The following ADAMTS12 variants were observed in gnomAD, a reference collection of about 807,000 sequenced individuals.
ADAMTS12 encodes the protein A disintegrin and metalloproteinase with thrombospondin motifs 12.
In ADAMTS12, 118 loss-of-function variants were observed where a neutral mutation model predicts 167.8. The ratio of observed to expected loss-of-function variants is 0.70; its 90% CI spans 0.61 to 0.82. The LOEUF (loss-of-function observed/expected upper bound fraction) is 0.82, where lower values mean the gene tolerates loss of function less well. ADAMTS12 is among the 40% of genes least tolerant of loss of function. The probability of loss-of-function intolerance (pLI) is 0.00; values close to 1 mark genes in which losing one functional copy is unlikely to be tolerated. For missense variants in ADAMTS12, 1,916 were observed against 1,998.8 expected (o/e 0.96, Z 0.79); for synonymous variants, 704 against 716.9 (o/e 0.98, Z 0.29).
chr5:33,577,523 G>C (rs1365493459), intron 18 of ADAMTS12, among the ~76,000 whole-genome samples: 1 of 152,050 alleles, frequency 6.6e-6, no homozygotes, highest in East Asian at 1.9e-4. Context: ...CTCTTTTCTG[G>C]GATTGTGATT....
intron 2 of ADAMTS12, among the ~76,000 whole-genome samples, chr5:33,839,143 G>C (rs1292889643): frequency 1.3e-5 from 2 of 152,156 alleles, no homozygotes. Context: ...CAGGAGCTGA[G>C]GGTAGGCTCC....
At chr5:33,639,566 C>T (rs1022249079) in intron 11 of ADAMTS12, among the ~76,000 whole-genome samples, 1 of 152,150 alleles carries the variant, frequency 6.6e-6, no homozygotes, top group Non-Finnish European at 1.5e-5. Context: ...GCGAGCAGTC[C>T]AGATGAAATC....
rs1740800085 is a variant in ADAMTS12, at chr5:33,649,586, C to T, written c.1302G>A (p.Lys434=). ...QYDPTPLTWS[K]CSEEYITRFL... is the part of the protein sequence containing the mutation. Reference sequence around the variant, plus strand: ...AGCGGGTGATGTACTCCTCGCTGCACTTGGACCATGTCAGCGGAGTGGGAT... The same window carrying T: ...AGCGGGTGATGTACTCCTCGCTGCATTTGGACCATGTCAGCGGAGTGGGAT... Residue 434 remains lysine, a synonymous_variant, in exon 8 of 24, where the codon AAG becomes AAA. Transcript: ENST00000504830. 1.2e-6 allele frequency: 2 copies of T among 1,613,992 alleles called. No homozygotes were observed. The highest frequency in any genetic ancestry group is 2.2e-5 in the East Asian group (1 of 44,848).
At chr5:33,539,567 T>A (rs1251803689) in intron 22 of ADAMTS12, among the ~76,000 whole-genome samples, 1 of 152,182 alleles carries the variant, frequency 6.6e-6, no homozygotes, top group Non-Finnish European at 1.5e-5. Context: ...CTTTTGAAAG[T>A]ATTTAATATT....
chr5:33,561,398 G>A (rs912820986), intron 19 of ADAMTS12, among the ~76,000 whole-genome samples: 25 of 152,188 alleles, frequency 1.6e-4, no homozygotes, highest in African/African-American at 5.8e-4. Context: ...TAATTCCCCA[G>A]CTTATTTTAA....
intron 5 of ADAMTS12, among the ~76,000 whole-genome samples, chr5:33,676,689 C>A (rs1308193134): frequency 6.7e-6 from 1 of 149,432 alleles, no homozygotes; most frequent in African/African-American, 2.5e-5. Context: ...ATCTTACACA[C>A]ACACACACAC....
At chr5:33,890,067 A>C (rs1750788734) in intron 1 of ADAMTS12, among the ~76,000 whole-genome samples, 1 of 152,164 alleles carries the variant, frequency 6.6e-6, no homozygotes, top group African/African-American at 2.4e-5. Flanking sequence ...ATAGCTCTAG[A>C]TAGAGGTGAC....
intron 19 of ADAMTS12, among the ~76,000 whole-genome samples, chr5:33,567,818 T>C (rs550801768): frequency 1.3e-5 from 2 of 152,182 alleles, no homozygotes; most frequent in Admixed American, 6.5e-5. Flanking sequence ...TATTTTCATA[T>C]GTAATATGAC....
At chr5:33,586,303 G>C (rs1747348341) in intron 18 of ADAMTS12, among the ~76,000 whole-genome samples, 1 of 152,220 alleles carries the variant, frequency 6.6e-6, no homozygotes, top group Non-Finnish European at 1.5e-5. Flanking sequence ...TAGTAAGAGA[G>C]CAGATAGAAG....
At chr5:33,575,357 T>C (rs1463069808) in intron 19 of ADAMTS12, among the ~76,000 whole-genome samples, 1 of 152,180 alleles carries the variant, frequency 6.6e-6, no homozygotes, top group East Asian at 1.9e-4. Context: ...TCCTTCATCA[T>C]AGGATCATTG....
intron 21 of ADAMTS12, among the ~76,000 whole-genome samples, chr5:33,548,086 G>A (rs531568186): frequency 6.6e-6 from 1 of 152,308 alleles, no homozygotes; most frequent in African/African-American, 2.4e-5. Context: ...GTAACTCGGG[G>A]CTCAGTCCTC....
chr5:33,549,065 C>G (rs1044380271), intron 21 of ADAMTS12, 142 bp downstream of exon 21: 5 of 1,040,438 alleles, frequency 4.8e-6, no homozygotes, highest in Admixed American at 5.7e-5. Flanking sequence ...TTCTCACATA[C>G]AGGGTGGGGT....
chr5:33,674,622 C>T lies in ADAMTS12; in HGVS notation c.915+8396G>A, dbSNP rs1741833333. Among the ~76,000 whole-genome samples the T allele has an allele frequency of 2.0e-5, 3 of 152,178 alleles. 1 individual carries two copies. The South Asian group carries it at 6.2e-4, about 32-fold the overall frequency. On this transcript the variant is annotated intron_variant, in intron 5 of 23. Transcript: ENST00000504830. ...TGGGGGTCCTAAGCTGGAATAAAAC[C>T]CACTGTATGCATAGCATACACTTGG... is the stretch of plus-strand genomic sequence containing the variant.
At chr5:33,601,106 A>AGTGTGTGTGTGTGTGTGT (rs55841502) in intron 16 of ADAMTS12, among the ~76,000 whole-genome samples, 3 of 145,820 alleles carry the variant, frequency 2.1e-5, no homozygotes, top group Admixed American at 6.9e-5. Flanking sequence ...CACATTTAAG[A>AGTGTGTGTGTGTGTGTGT]GTGTGTGTGT....
At chr5:33,720,278 T>A (rs1003685029) in intron 3 of ADAMTS12, among the ~76,000 whole-genome samples, 7 of 83,282 alleles carry the variant, frequency 8.4e-5, no homozygotes, top group African/African-American at 1.9e-4. Flanking sequence ...TCTCTCTCTC[T>A]CTCACTCACA....
At chr5:33,696,920 A>T (rs903627763) in intron 3 of ADAMTS12, among the ~76,000 whole-genome samples, 3 of 152,166 alleles carry the variant, frequency 2.0e-5, no homozygotes, top group African/African-American at 7.2e-5. Flanking sequence ...TGTTCTCCAC[A>T]GTTCAGCTTG....
chr5:33,736,328 G>A (rs1278145257), intron 3 of ADAMTS12, among the ~76,000 whole-genome samples: 2 of 152,176 alleles, frequency 1.3e-5, no homozygotes, highest in Non-Finnish European at 2.9e-5. Context: ...CTCCCAAAAT[G>A]CTGAGATTAC....
chr5:33,659,743 T>G (rs1219776777), intron 6 of ADAMTS12, among the ~76,000 whole-genome samples: 3 of 152,202 alleles, frequency 2.0e-5, no homozygotes, highest in Non-Finnish European at 4.4e-5. Context: ...GAACCCACAT[T>G]GGGTGTGTTT....
chr5:33,733,998 T>TACACACACAC (rs147754057), intron 3 of ADAMTS12, among the ~76,000 whole-genome samples: 15 of 139,476 alleles, frequency 1.1e-4, no homozygotes, highest in African/African-American at 3.0e-4. Flanking sequence ...ACTTCCCCAC[T>TACACACACAC]ACACACACAC....
Sources: allele counts gnomAD v4.1 joint callset (sites outside exome capture counted in the v4.1 genomes callset), GRCh38; gene constraint gnomAD v4.1.1; transcripts MANE v1.5; gene names NCBI Gene and HGNC (gene_info 2026-07-23, HGNC 2026-07-21).